RNF20: variants seen among roughly 807,000 people sequenced by gnomAD.
RNF20 encodes the protein E3 ubiquitin-protein ligase BRE1A.
RNF20 carries 84 observed loss-of-function variants against 126.2 expected under a neutral mutation model. The ratio of observed to expected loss-of-function variants is 0.67; its 90% confidence interval spans 0.56 to 0.80. The LOEUF is 0.80. RNF20 is among the 30% of genes least tolerant of loss of function. The probability of loss-of-function intolerance (pLI) is 0.00; values close to 1 mark genes in which losing one functional copy is unlikely to be tolerated. For missense variants in RNF20, 869 were observed against 1,188.2 expected (o/e 0.73, Z 3.95); for synonymous variants, 400 against 414.3 (o/e 0.97, Z 0.42).
chr9:101,535,105 C>A (rs536540123), intron 1 of RNF20, among the ~76,000 whole-genome samples: 1 of 152,174 alleles, frequency 6.6e-6, no homozygotes, highest in African/African-American at 2.4e-5. Context: ...GACGGGGTTT[C>A]ACCGTGTTAG....
At chr9:101,535,594 C>G in intron 2 of RNF20, 42 bp downstream of exon 2, 1 of 1,578,236 alleles carries the variant, frequency 6.3e-7, no homozygotes, top group Non-Finnish European at 8.6e-7. Context: ...TGTCTTCTGT[C>G]AGTTGCAACT....
chr9:101,553,793 C>T (rs2118722433), intron 13 of RNF20, among the ~76,000 whole-genome samples, 195 bp from the exon 14 acceptor site: 1 of 152,304 alleles, frequency 6.6e-6, no homozygotes, highest in Admixed American at 6.5e-5. Flanking sequence ...CATTTTTATA[C>T]AGCTTACTTT....
chr9:101,540,435 T>G, intron 3 of RNF20, 55 bp from the exon 4 acceptor site: 1 of 1,611,382 alleles, frequency 6.2e-7, no homozygotes, highest in Non-Finnish European at 8.5e-7. Context: ...ACTGTTCTCT[T>G]CATTTCCAAA....
At chr9:101,561,396 A>G (rs1827626677) in intron 18 of RNF20, 166 bp downstream of exon 18, 1 of 668,870 alleles carries the variant, frequency 1.5e-6, no homozygotes, top group South Asian at 2.0e-5. Context: ...CCATATCCTC[A>G]GACTCTTTTA....
chr9:101,558,276 T>C (rs1316035475), intron 16 of RNF20, among the ~76,000 whole-genome samples: 1 of 152,112 alleles, frequency 6.6e-6, no homozygotes, highest in Non-Finnish European at 1.5e-5. Context: ...ACATACAATG[T>C]TTGGTTTTCC....
At position 101,560,945 on chromosome 9, in the gene RNF20, A is replaced by G; in HGVS notation, c.2508+19A>G. ...ACGCAAGGTATGATTGATTAATCTAATGATGGTTAGTCTCAGTGGAACAAA... is the reference window on the plus strand; with the variant it reads ...ACGCAAGGTATGATTGATTAATCTAGTGATGGTTAGTCTCAGTGGAACAAA... On this transcript the variant is annotated intron_variant, in intron 17 of 19. Coordinates refer to ENST00000389120, the MANE Select transcript of RNF20 (RefSeq NM_019592.7). The G allele has an allele frequency of 6.2e-7, 1 of 1,607,596 alleles. No homozygotes were observed. The highest frequency in any genetic ancestry group is 8.5e-7 in the Non-Finnish European group (1 of 1,177,686).
intron 18 of RNF20, 81 bp downstream of exon 18, chr9:101,561,311 G>A (rs1402711548): frequency 7.1e-6 from 10 of 1,400,280 alleles, no homozygotes; most frequent in Admixed American, 2.0e-5. Flanking sequence ...AGAATCATTA[G>A]TCCAATGTAT....
chr9:101,541,946 A>G (rs185744120), intron 5 of RNF20, among the ~76,000 whole-genome samples: 1 of 152,224 alleles, frequency 6.6e-6, no homozygotes, highest in African/African-American at 2.4e-5. Flanking sequence ...CATTTGTGGC[A>G]TAAATACCTT....
intron 2 of RNF20, among the ~76,000 whole-genome samples, chr9:101,539,420 T>C (rs573447954): frequency 1.3e-5 from 2 of 152,192 alleles, no homozygotes; most frequent in South Asian, 4.1e-4. Context: ...AAGGAGGCTG[T>C]TAGGCAGGTG....
chr9:101,548,160 A>AGT (rs771154522), intron 9 of RNF20, among the ~76,000 whole-genome samples: 7 of 151,962 alleles, frequency 4.6e-5, no homozygotes, highest in Non-Finnish European at 1.0e-4. Flanking sequence ...TTTGTATGTG[A>AGT]GTGTGTGTGT....
At position 101,540,923 on chromosome 9, in the gene RNF20, T is replaced by G. The variant is rs61739680; in HGVS notation, c.576T>G (p.Tyr192Ter). 1 of 1,613,910 alleles carries G rather than the reference T, an allele frequency of 6.2e-7. No individual in the cohort carries two copies. The highest frequency in any genetic ancestry group is 1.3e-5 in the African/African-American group (1 of 74,862). Reference sequence around the variant, plus strand: ...CCGTGTCCCAGATTGTGACTGTTTATGATAAATTGCAAGAAAAAGTGGAGC... The same window carrying G: ...CCGTGTCCCAGATTGTGACTGTTTAGGATAAATTGCAAGAAAAAGTGGAGC... ...RRAVSQIVTV[Y>*]DKLQEKVELL... The change falls in exon 5 of 20, where the codon TAT becomes TAG. Residue 192 changes from tyrosine to a stop codon, truncating the protein, a stop_gained. Coordinates refer to ENST00000389120, the MANE Select transcript of RNF20 (RefSeq NM_019592.7). LOFTEE classifies it high-confidence loss of function.
At chr9:101,555,063 T>G (rs1226558660) in intron 15 of RNF20, among the ~76,000 whole-genome samples, 2 of 152,142 alleles carry the variant, frequency 1.3e-5, no homozygotes, top group Admixed American at 6.5e-5. Context: ...TTTATTTAAA[T>G]GGACATTTAT....
chr9:101,562,185 G>A (rs1254149404), intron 19 of RNF20, 61 bp from the exon 20 acceptor site: 1 of 1,549,770 alleles, frequency 6.5e-7, no homozygotes, highest in African/African-American at 1.4e-5. Flanking sequence ...TGTAGTATAT[G>A]AGAGCCATTT....
chr9:101,546,724 G>A (rs1827352777), intron 6 of RNF20, 96 bp from the exon 7 acceptor site: 2 of 1,253,514 alleles, frequency 1.6e-6, no homozygotes, highest in Admixed American at 2.0e-5. Context: ...TCTTCTATTT[G>A]CCTCTTTTCT....
intron 10 of RNF20, among the ~76,000 whole-genome samples, chr9:101,550,993 G>C (rs1403506470): frequency 6.6e-6 from 1 of 152,188 alleles, no homozygotes; most frequent in East Asian, 1.9e-4. Context: ...AGTAATGGGA[G>C]AATAGTATCC....
chr9:101,551,911 C>T, intron 11 of RNF20, 92 bp downstream of exon 11: 1 of 1,423,566 alleles, frequency 7.0e-7, no homozygotes, highest in South Asian at 1.4e-5. Flanking sequence ...ATGCTGACTT[C>T]AACTCAGAAG....
At chr9:101,536,836 C>A (rs1310736141) in intron 2 of RNF20, among the ~76,000 whole-genome samples, 1 of 152,182 alleles carries the variant, frequency 6.6e-6, no homozygotes, top group African/African-American at 2.4e-5. Flanking sequence ...AGGAGACTAA[C>A]ATGCTCTGAC....
chr9:101,535,098 G>T (rs1197546725), intron 1 of RNF20, among the ~76,000 whole-genome samples: 1 of 151,818 alleles, frequency 6.6e-6, no homozygotes, highest in African/African-American at 2.4e-5. Flanking sequence ...TAGTAGAGAC[G>T]GGGTTTCACC....
intron 13 of RNF20, among the ~76,000 whole-genome samples, 175 bp from the exon 14 acceptor site, chr9:101,553,813 T>A (rs193075832): frequency 9.2e-5 from 14 of 152,358 alleles, no homozygotes; most frequent in Admixed American, 4.6e-4. Context: ...TTCTGTACTT[T>A]CTAAGCATAT....
Sources: allele counts gnomAD v4.1 joint callset (sites outside exome capture counted in the v4.1 genomes callset), GRCh38; gene constraint gnomAD v4.1.1; transcripts MANE v1.5; gene names NCBI Gene and HGNC (gene_info 2026-07-23, HGNC 2026-07-21).